IQCM: variants seen among roughly 807,000 people sequenced by gnomAD.
IQCM encodes IQ motif containing M.
In IQCM, 45 loss-of-function variants were observed where a neutral mutation model predicts 57.6. The ratio of observed to expected loss-of-function variants is 0.78; its 90% CI spans 0.62 to 1.00. The LOEUF (loss-of-function observed/expected upper bound fraction) is 1.00. Among genes scored for constraint, IQCM ranks in the 50% least tolerant of loss-of-function variants. IQCM has a pLI of 0.00. For missense variants in IQCM, 468 were observed against 511.6 expected (o/e 0.91, Z 0.82); for synonymous variants, 148 against 158.9 (o/e 0.93, Z 0.51).
chr4:149,506,948 C>T (rs1229207147), intron 12 of IQCM, among the ~76,000 whole-genome samples: 1 of 152,306 alleles, frequency 6.6e-6, no homozygotes, highest in South Asian at 2.1e-4. Context: ...GCTGTGCCCC[C>T]ACCCAAATCT....
At chr4:149,395,289 G>A (rs1376632584) in intron 13 of IQCM, among the ~76,000 whole-genome samples, 1 of 151,982 alleles carries the variant, frequency 6.6e-6, no homozygotes, top group Admixed American at 6.6e-5. Flanking sequence ...AGTATTAGGG[G>A]TGTTGTGTGT....
intron 7 of IQCM, among the ~76,000 whole-genome samples, chr4:149,637,289 G>C (rs938096182): frequency 6.6e-6 from 1 of 151,442 alleles, no homozygotes; most frequent in African/African-American, 2.4e-5. Context: ...AATTATAATA[G>C]TTTCAAGACT....
intron 2 of IQCM, among the ~76,000 whole-genome samples, chr4:149,768,890 A>G (rs1332843348): frequency 6.6e-6 from 1 of 152,100 alleles, no homozygotes; most frequent in African/African-American, 2.4e-5. Flanking sequence ...CTCGTTAACC[A>G]GGACAATTGA....
In IQCM at chr4:149,633,600, C is replaced by T. The variant is rs562152424; in HGVS notation, c.566-12356G>A. 1.6e-4 allele frequency among the ~76,000 whole-genome samples: 24 copies of T among 152,246 alleles called. No individual in the cohort carries two copies. The South Asian group carries it at 5.0e-3, about 32-fold the overall frequency. ...AACATAATGTGGTTCTTTTGAGAAA[C>T]ATAATATGTATTACTTGCATAGAAA... On this transcript the variant is annotated intron_variant, in intron 7 of 13. Transcript: ENST00000636793.
Position 149,815,802 on chromosome 4 carries a change from C to T in IQCM, c.-289G>A, listed in dbSNP as rs1775003667. The T allele has an allele frequency of 6.6e-6, 1 of 151,874 alleles. No homozygotes were observed. Among genetic ancestry groups the T allele is most frequent in the Non-Finnish European group, 1.5e-5 (1 of 67,872 alleles). 9.4% of individuals were successfully genotyped at this position (151,874 alleles called of 1,614,324 possible). ...TTTCAAATAGATTCCTAAATCCTGC[C>T]AATCTTCTGATTGCTTCTTCTCACA... On this transcript the variant is annotated 5_prime_UTR_variant, in exon 1 of 14. Transcript: ENST00000636793.
chr4:149,652,522 A>G (rs953156281), intron 7 of IQCM, among the ~76,000 whole-genome samples: 4 of 152,140 alleles, frequency 2.6e-5, no homozygotes, highest in Non-Finnish European at 5.9e-5. Flanking sequence ...GCAAAAAGGT[A>G]TCTCCTCTAT....
intron 2 of IQCM, among the ~76,000 whole-genome samples, chr4:149,759,638 C>A (rs1340332718): frequency 1.3e-5 from 2 of 152,048 alleles, no homozygotes; most frequent in African/African-American, 4.8e-5. Flanking sequence ...AAAGCCAAAA[C>A]TTCTCTTAAA....
chr4:149,487,790 T>C (rs1056725979), intron 12 of IQCM, among the ~76,000 whole-genome samples: 1 of 152,158 alleles, frequency 6.6e-6, no homozygotes. Context: ...TCTCTTCCTG[T>C]AGCAGTGCCT....
At chr4:149,739,471 T>A (rs960566371) in intron 3 of IQCM, among the ~76,000 whole-genome samples, 22 of 148,484 alleles carry the variant, frequency 1.5e-4, no homozygotes, top group African/African-American at 5.4e-4. Context: ...TATATAATTT[T>A]TTTTTTTTTT....
At chr4:149,558,626 T>C (rs1259120198) in intron 10 of IQCM, among the ~76,000 whole-genome samples, 5 of 152,146 alleles carry the variant, frequency 3.3e-5, no homozygotes, top group Non-Finnish European at 7.4e-5. Context: ...AGTTATTTTC[T>C]ACAGGTTAGT....
chr4:149,362,542 G>C (rs1419110582), intron 13 of IQCM, among the ~76,000 whole-genome samples: 1 of 152,058 alleles, frequency 6.6e-6, no homozygotes, highest in African/African-American at 2.4e-5. Context: ...GGTTATACCA[G>C]GGGTTTCTGC....
chr4:149,490,211 C>A (rs1435531155), intron 12 of IQCM, among the ~76,000 whole-genome samples: 2 of 151,604 alleles, frequency 1.3e-5, no homozygotes, highest in Admixed American at 1.3e-4. Context: ...TTTCAATTAC[C>A]AGATATATAT....
chr4:149,456,756 C>A (rs575944725), intron 12 of IQCM, among the ~76,000 whole-genome samples: 1 of 152,098 alleles, frequency 6.6e-6, no homozygotes, highest in East Asian at 1.9e-4. Context: ...CTTTATGGCC[C>A]GCTTCAGAAG....
At chr4:149,548,709 T>G (rs1269762800) in intron 11 of IQCM, 120 bp from the exon 12 acceptor site, 1 of 454,074 alleles carries the variant, frequency 2.2e-6, no homozygotes, top group African/African-American at 2.0e-5. Context: ...TAGCACTATA[T>G]CAACCTTCTG....
At chr4:149,403,891 A>T (rs1560807266) in intron 13 of IQCM, among the ~76,000 whole-genome samples, 1 of 152,070 alleles carries the variant, frequency 6.6e-6, no homozygotes, top group Non-Finnish European at 1.5e-5. Flanking sequence ...TTAAATATTC[A>T]CAACCATATA....
At chr4:149,498,630 G>A (rs1742919692) in intron 12 of IQCM, among the ~76,000 whole-genome samples, 1 of 152,128 alleles carries the variant, frequency 6.6e-6, no homozygotes, top group African/African-American at 2.4e-5. Context: ...CCCTCCCAGG[G>A]TGCCCTGAAG....
chr4:149,701,701 T>A (rs1175944793), intron 5 of IQCM, among the ~76,000 whole-genome samples: 1 of 151,960 alleles, frequency 6.6e-6, no homozygotes, highest in Non-Finnish European at 1.5e-5. Context: ...GCCAAAAAAA[T>A]CAGCCTATAT....
intron 12 of IQCM, among the ~76,000 whole-genome samples, chr4:149,433,943 T>G (rs1735113368): frequency 6.6e-6 from 1 of 152,082 alleles, no homozygotes; most frequent in Non-Finnish European, 1.5e-5. Context: ...AATATAGAGT[T>G]CCATATATTG....
intron 7 of IQCM, among the ~76,000 whole-genome samples, chr4:149,664,346 G>T (rs1029143042): frequency 1.3e-5 from 2 of 152,048 alleles, no homozygotes; most frequent in South Asian, 4.2e-4. Flanking sequence ...TGCATTGAGG[G>T]TGTCATATGT....
Sources: allele counts gnomAD v4.1 joint callset (sites outside exome capture counted in the v4.1 genomes callset), GRCh38; gene constraint gnomAD v4.1.1; transcripts MANE v1.5; gene names NCBI Gene and HGNC (gene_info 2026-07-23, HGNC 2026-07-21).